The following PPIL2 variants were observed in gnomAD, a reference collection of about 807,000 sequenced individuals.
PPIL2 encodes RING-type E3 ubiquitin-protein ligase PPIL2.
A neutral mutation model predicts 75.2 loss-of-function variants in PPIL2; 50 were observed. The ratio of observed to expected loss-of-function variants is 0.66; its 90% CI spans 0.53 to 0.84. The LOEUF (loss-of-function observed/expected upper bound fraction) is 0.84. PPIL2 is among the 40% of genes least tolerant of loss of function. The pLI is 0.00. For missense variants in PPIL2, 590 were observed against 685.0 expected (o/e 0.86, Z 1.55); for synonymous variants, 245 against 258.8 (o/e 0.95, Z 0.51).
chr22:21,689,669 AGTCACGTCACC>A (rs763055848), intron 15 of PPIL2, among the ~76,000 whole-genome samples: 12 of 152,330 alleles, frequency 7.9e-5, no homozygotes, highest in East Asian at 1.9e-4. Context: ...TGTGCACATC[AGTCACGTCACC>A]GTCACGTCAC....
intron 1 of PPIL2, among the ~76,000 whole-genome samples, chr22:21,666,893 C>G (rs2066406634): frequency 6.6e-6 from 1 of 152,188 alleles, no homozygotes; most frequent in Non-Finnish European, 1.5e-5. Context: ...CGTGTTGTTT[C>G]TCTTAAGAAC....
chr22:21,686,383 G>A, intron 10 of PPIL2, 100 bp from the exon 11 acceptor site: 1 of 1,147,912 alleles, frequency 8.7e-7, no homozygotes, highest in Non-Finnish European at 1.3e-6. Context: ...AGGGCCTGGG[G>A]GGCAGGGGTG....
In PPIL2 at chr22:21,669,953, A is replaced by C. The variant is rs1198564589; in HGVS notation, c.73A>C (p.Lys25Gln). The part of the protein sequence containing the change: ...CAEYTHFYGG[K>Q]KPDLPQTNFR... ...TGAATACACTCACTTTTATGGTGGC[A>C]AGAAGCCAGGTAAGGCATGCAGTCT... The change falls in exon 2 of 20, where the codon AAG (lysine) becomes CAG (glutamine). Residue 25 changes from lysine (K) to glutamine (Q), a missense_variant. Lys to Gln is a moderately conservative substitution (Grantham distance 53). Transcript: ENST00000398831. The C allele has an allele frequency of 6.2e-7, 1 of 1,613,790 alleles. No individual in the cohort carries two copies.
In PPIL2 at chr22:21,693,093, G is replaced by A. The variant is rs151172661; in HGVS notation, c.1140-723G>A. On this transcript the variant is annotated intron_variant, in intron 15 of 19. Transcript: ENST00000398831. ...TCTTGAGACAGACTCTGTCGCCCAG[G>A]CTGGAGTGCAGTGGTGTGATCTCAG... 3.3e-5 allele frequency among the ~76,000 whole-genome samples: 5 copies of A among 152,074 alleles called. No homozygotes were observed. In the East Asian group the frequency reaches 9.8e-4, roughly 30 times the overall value.
At position 21,672,504 on chromosome 22, in the gene PPIL2, G is replaced by A. The variant is rs564923404; in HGVS notation, c.243+123G>A. The A allele has an allele frequency of 8.2e-6, 8 of 969,742 alleles. No homozygotes were observed. In the South Asian group the frequency reaches 1.1e-4, roughly 13 times the overall value. 60.1% of individuals were successfully genotyped at this position (969,742 alleles called of 1,614,324 possible). On this transcript the variant is annotated intron_variant, in intron 5 of 19. Transcript: ENST00000398831. ...GAGAACCGTTCATGGGGCCCAGTGAGGAGGGACAGTCTTCCCCTCCTCTCC... is the reference window on the plus strand; with the variant it reads ...GAGAACCGTTCATGGGGCCCAGTGAAGAGGGACAGTCTTCCCCTCCTCTCC...
At chr22:21,673,963 G>C (rs941057861) in intron 5 of PPIL2, among the ~76,000 whole-genome samples, 4 of 152,344 alleles carry the variant, frequency 2.6e-5, no homozygotes, top group African/African-American at 9.6e-5. Context: ...GTAGTTGAAT[G>C]ACAAAGGAAG....
intron 1 of PPIL2, among the ~76,000 whole-genome samples, chr22:21,666,559 A>G (rs2066389285): frequency 1.3e-5 from 2 of 152,180 alleles, no homozygotes; most frequent in East Asian, 3.9e-4. Context: ...CTGTAATCAC[A>G]GCACTTTGGG....
chr22:21,670,008 A>G (rs1014018424), intron 2 of PPIL2, 46 bp downstream of exon 2: 9 of 1,555,882 alleles, frequency 5.8e-6, no homozygotes, highest in African/African-American at 1.4e-5. Flanking sequence ...AGTGGTATTA[A>G]GGAACTGTGT....
At chr22:21,670,832 A>G (rs1418177895) in intron 3 of PPIL2, 165 bp from the exon 4 acceptor site, 2 of 864,880 alleles carry the variant, frequency 2.3e-6, no homozygotes, top group Non-Finnish European at 3.9e-6. Flanking sequence ...TGGCACAAAC[A>G]CTATTGTAGT....
chr22:21,673,072 A>G (rs964144677), intron 5 of PPIL2, among the ~76,000 whole-genome samples: 1 of 152,174 alleles, frequency 6.6e-6, no homozygotes, highest in African/African-American at 2.4e-5. Flanking sequence ...TACAAGGGGA[A>G]CTTGGCCAGG....
At chr22:21,670,510 A>G (rs184420297) in intron 2 of PPIL2, 56 bp from the exon 3 acceptor site, 42 of 1,537,888 alleles carry the variant, frequency 2.7e-5, no homozygotes, top group Admixed American at 5.1e-5. Context: ...GCAGGTGCAC[A>G]TAGATGAAAT....
chr22:21,672,497 C>T (rs1340110334), intron 5 of PPIL2, 116 bp downstream of exon 5: 1 of 1,055,712 alleles, frequency 9.5e-7, no homozygotes, highest in African/African-American at 1.6e-5. Context: ...TTCATGGGGC[C>T]CAGTGAGGAG....
At position 21,696,189 on chromosome 22, in the gene PPIL2, G is replaced by C; in HGVS notation, c.*699G>C. On this transcript the variant is annotated 3_prime_UTR_variant, in exon 20 of 20. Coordinates refer to ENST00000398831, the MANE Select transcript of PPIL2 (RefSeq NM_014337.4). ...GGGCTTCTGAAGGCTGGTGTTGGAC[G>C]GCAGCATTGAGTTTCCTGCCGTGCC... 1 of 1,000,936 alleles carries C rather than the reference G, an allele frequency of 1.0e-6. No individual in the cohort carries two copies. Among genetic ancestry groups the C allele is most frequent in the Middle Eastern group, 5.1e-4 (1 of 1,948 alleles). The allele number at this position is 1,000,936 out of a possible 1,614,324, so 62.0% of individuals were successfully genotyped here. A position where few individuals can be genotyped will look rare whatever the true frequency, so the allele number is the denominator to read the frequency against.
Position 21,670,023 on chromosome 22 carries a change from AG to A in PPIL2, c.82+63del, listed in dbSNP as rs1460764609. 7 of 1,497,952 alleles carry A rather than the reference AG, an allele frequency of 4.7e-6. No individual in the cohort carries two copies. In the East Asian group the frequency reaches 1.6e-4, roughly 34 times the overall value. The allele number at this position is 1,497,952 out of a possible 1,614,324, so 92.8% of individuals were successfully genotyped here. On this transcript the variant is annotated intron_variant, in intron 2 of 19. Transcript: ENST00000398831. ...AGTGGTATTAAGGAACTGTGTCTTCAGGATACAGTGAGCTGTAAAAATAGAC... is the reference window on the plus strand; with the variant it reads ...AGTGGTATTAAGGAACTGTGTCTTCAGATACAGTGAGCTGTAAAAATAGAC...
At chr22:21,693,761 A>C in intron 15 of PPIL2, 55 bp from the exon 16 acceptor site, 2 of 1,501,990 alleles carry the variant, frequency 1.3e-6, no homozygotes, top group Non-Finnish European at 1.9e-6. Flanking sequence ...GCTCTTAGGC[A>C]GGCCAGGTGC....
chr22:21,670,027 T>C lies in PPIL2; in HGVS notation c.82+65T>C. 5 of 1,453,364 alleles carry C rather than the reference T, an allele frequency of 3.4e-6. No individual in the cohort carries two copies. The South Asian group carries it at 4.6e-5, about 13-fold the overall frequency. The allele number at this position is 1,453,364 out of a possible 1,614,324, so 90.0% of individuals were successfully genotyped here. A position where few individuals can be genotyped will look rare whatever the true frequency, so the allele number is the denominator to read the frequency against. On this transcript the variant is annotated intron_variant, in intron 2 of 19. Coordinates refer to ENST00000398831, the MANE Select transcript of PPIL2 (RefSeq NM_014337.4). ...GTATTAAGGAACTGTGTCTTCAGGA[T>C]ACAGTGAGCTGTAAAAATAGACAAC...
chr22:21,693,239 G>T (rs555515907), intron 15 of PPIL2, among the ~76,000 whole-genome samples: 200 of 152,150 alleles, frequency 1.3e-3, no homozygotes, highest in Non-Finnish European at 2.2e-3. Context: ...ATAGGGACAG[G>T]GTTTTACCAT....
At chr22:21,694,863 A>C (rs1332719313) in intron 18 of PPIL2, 46 bp downstream of exon 18, 1 of 1,590,134 alleles carries the variant, frequency 6.3e-7, no homozygotes, top group Non-Finnish European at 8.6e-7. Context: ...GGGCTAGTGC[A>C]CTTTTCCACC....
rs2067434419 is a variant in PPIL2 at position 21,687,717 on chromosome 22, C to T, written c.972C>T (p.Ser324=). The part of the protein sequence containing the change: ...HYYDGTIFHR[S]IRNFVIQGGD... ...ACGATGGCACCATCTTCCACAGATC[C>T]ATCCGGAACTTTGTGGTGAGTGACG... Residue 324 remains serine (S), a synonymous_variant, in exon 13 of 20, where the codon TCC becomes TCT. Transcript: ENST00000398831. 6.2e-7 allele frequency: 1 copy of T among 1,613,558 alleles called. No homozygotes were observed. The highest frequency in any genetic ancestry group is 1.1e-5 in the South Asian group (1 of 90,990).
Sources: allele counts gnomAD v4.1 joint callset (sites outside exome capture counted in the v4.1 genomes callset), GRCh38; gene constraint gnomAD v4.1.1; transcripts MANE v1.5; gene names NCBI Gene and HGNC (gene_info 2026-07-23, HGNC 2026-07-21).